SPRING1: variants seen among roughly 807,000 people sequenced by gnomAD.
The protein encoded by SPRING1 is SREBF pathway regulator in golgi 1.
SPRING1 carries 14 observed loss-of-function variants against 24.7 expected under a neutral mutation model. That is an observed-to-expected ratio of 0.57 (90% CI 0.37 to 0.88). SPRING1 has a LOEUF of 0.88. Among genes scored for constraint, SPRING1 ranks in the 40% least tolerant of loss-of-function variants. SPRING1 has a pLI of 0.00. For synonymous variants in SPRING1, 93 were observed against 106.1 expected (o/e 0.88, Z 0.76); for missense variants, 255 against 268.4 (o/e 0.95, Z 0.35).
chr12:116,712,069 G>A lies in SPRING1; in HGVS notation c.*5741C>T, dbSNP rs1451282173. The A allele has an allele frequency of 6.6e-6, 1 of 152,158 alleles. No homozygotes were observed. The highest frequency in any genetic ancestry group is 1.5e-5 in the Non-Finnish European group (1 of 68,042). The allele number at this position is 152,158 out of a possible 1,614,324, so 9.4% of individuals were successfully genotyped here. A position where few individuals can be genotyped will look rare whatever the true frequency, so the allele number is the denominator to read the frequency against. On this transcript the variant is annotated 3_prime_UTR_variant, in exon 5 of 5. Transcript: ENST00000261318. ...CAGTGCTGATGAAAACACATTTCTG[G>A]TAGTGATATGTCTTGGTCCCTCTGG...
At chr12:116,735,359 C>T (rs1029514464) in intron 1 of SPRING1, among the ~76,000 whole-genome samples, 1 of 152,106 alleles carries the variant, frequency 6.6e-6, no homozygotes, top group Non-Finnish European at 1.5e-5. Flanking sequence ...TTTCTACAAG[C>T]GTTATGGGGA....
In SPRING1 at chr12:116,713,475, G is replaced by C. The variant is rs1241279226; in HGVS notation, c.*4335C>G. The C allele has an allele frequency of 6.6e-6, 1 of 152,162 alleles. No individual in the cohort carries two copies. The highest frequency in any genetic ancestry group is 1.5e-5 in the Non-Finnish European group (1 of 68,008). The allele number at this position is 152,162 out of a possible 1,614,324, so 9.4% of individuals were successfully genotyped here. On this transcript the variant is annotated 3_prime_UTR_variant, in exon 5 of 5. Coordinates refer to ENST00000261318, the MANE Select transcript of SPRING1 (RefSeq NM_024738.4). ...CTGGAAATTAAATACATTCAAACAA[G>C]AACAGAGATCCATTAGCAAAATGTT...
In SPRING1 at chr12:116,720,288, C is replaced by T. The variant is rs777290744; in HGVS notation, c.420+8G>A. 5.0e-6 allele frequency: 8 copies of T among 1,605,866 alleles called. No homozygotes were observed. The highest frequency in any genetic ancestry group is 6.8e-6 in the Non-Finnish European group (8 of 1,177,342). On this transcript the variant is annotated splice_region_variant and intron_variant, in intron 3 of 4. Coordinates refer to ENST00000261318, the MANE Select transcript of SPRING1 (RefSeq NM_024738.4). The surrounding 1 kb of genome is among the most constrained non-coding windows in gnomAD (Gnocchi z 4.0). Reference sequence around the variant, plus strand: ...AGGAGCCGCAGAACCAGGATCAACTCCCCATACCTTGTTGGGCTGCAGGCA... The same window carrying T: ...AGGAGCCGCAGAACCAGGATCAACTTCCCATACCTTGTTGGGCTGCAGGCA...
At chr12:116,726,330 T>C (rs910873629) in intron 1 of SPRING1, among the ~76,000 whole-genome samples, 1 of 152,242 alleles carries the variant, frequency 6.6e-6, no homozygotes, top group Non-Finnish European at 1.5e-5. Flanking sequence ...TGTCCCACAT[T>C]ACATCTACCA....
intron 1 of SPRING1, among the ~76,000 whole-genome samples, chr12:116,725,252 C>T (rs1870624986): frequency 6.6e-6 from 1 of 152,160 alleles, no homozygotes; most frequent in South Asian, 2.1e-4. Context: ...TGCAACCTCA[C>T]GCCATCCCAT....
rs191794865 is a variant in SPRING1, at chr12:116,732,569, T to C, written c.111+5221A>G. On this transcript the variant is annotated intron_variant, in intron 1 of 4. Transcript: ENST00000261318. The stretch of plus-strand genomic sequence containing the variant: ...CTAAAAATACAAAATTAGCGAGGCA[T>C]GGTGGTGCACGCCTGTAATCCCAGC... 5.8e-3 allele frequency among the ~76,000 whole-genome samples: 881 copies of C among 152,268 alleles called. 6 individuals are homozygous for C. The highest frequency in any genetic ancestry group is 0.022 in the South Asian group (107 of 4,824).
chr12:116,714,371 CT>C lies in SPRING1; in HGVS notation c.*3438del, dbSNP rs1009554113. On this transcript the variant is annotated 3_prime_UTR_variant, in exon 5 of 5. Transcript: ENST00000261318. ...TTGTGCAACTGTTCCCCACGATTCC[CT>C]TGGGGCCAGTGCCGACTGAGGCATC... is the stretch of plus-strand genomic sequence containing the variant. 1.6e-4 allele frequency: 24 copies of C among 152,264 alleles called. No homozygotes were observed. Among genetic ancestry groups the C allele is most frequent in the African/African-American group, 4.8e-4 (20 of 41,472 alleles). The allele number at this position is 152,264 out of a possible 1,614,324, so 9.4% of individuals were successfully genotyped here.
In SPRING1 at chr12:116,720,160, A is replaced by C. The variant is rs543215243; in HGVS notation, c.420+136T>G. On this transcript the variant is annotated intron_variant, in intron 3 of 4. Transcript: ENST00000261318. The surrounding 1 kb of genome is among the most constrained non-coding windows in gnomAD (Gnocchi z 4.0). ...TTTCCTTAGATAAAAGCTATTGTGC[A>C]GCAATTTCTGACACCTACAAAGCTC... The C allele has an allele frequency of 9.4e-6, 11 of 1,167,682 alleles. No homozygotes were observed. In the African/African-American group the frequency reaches 1.7e-4, roughly 18 times the overall value. 72.3% of individuals were successfully genotyped at this position (1,167,682 alleles called of 1,614,324 possible). A position where few individuals can be genotyped will look rare whatever the true frequency, so the allele number is the denominator to read the frequency against.
intron 1 of SPRING1, among the ~76,000 whole-genome samples, chr12:116,731,473 A>G (rs1434482727): frequency 6.6e-6 from 1 of 152,212 alleles, no homozygotes; most frequent in Non-Finnish European, 1.5e-5. Context: ...GGCTGGGTGC[A>G]GTAGCTCATG....
chr12:116,710,268 G>A lies in SPRING1; in HGVS notation c.*7542C>T, dbSNP rs779114171. 8.5e-5 allele frequency: 13 copies of A among 152,272 alleles called. No individual in the cohort carries two copies. Among genetic ancestry groups the A allele is most frequent in the East Asian group, 5.8e-4 (3 of 5,182 alleles). The allele number at this position is 152,272 out of a possible 1,614,324, so 9.4% of individuals were successfully genotyped here. ...CAAAATACAGGCAAAACGCTCCAGC[G>A]GAACTTTAATTAGTGGTTATCTCTA... is the stretch of plus-strand genomic sequence containing the variant. On this transcript the variant is annotated 3_prime_UTR_variant, in exon 5 of 5. Coordinates refer to ENST00000261318, the MANE Select transcript of SPRING1 (RefSeq NM_024738.4).
rs548221010 is a variant in SPRING1, at chr12:116,737,832, G to T, written c.69C>A (p.Phe23Leu). The change falls in exon 1 of 5, where the codon TTC becomes TTA. Residue 23 changes from phenylalanine (F) to leucine (L), a missense_variant. By Grantham distance (22) the Phe-to-Leu change is conservative (BLOSUM62 0). Transcript: ENST00000261318. ...TGAGGAAGTAGACGAGCGACAGCCCGAAGACCAGGGCGAGCACCCACCTCT... is the reference window on the plus strand; with the variant it reads ...TGAGGAAGTAGACGAGCGACAGCCCTAAGACCAGGGCGAGCACCCACCTCT... ...LRKRWVLALV[F>L]GLSLVYFLSS... The T allele has an allele frequency of 6.3e-7, 1 of 1,595,792 alleles. No individual in the cohort carries two copies. The highest frequency in any genetic ancestry group is 2.4e-5 in the East Asian group (1 of 41,462).
Position 116,717,965 on chromosome 12 carries a change from G to A in SPRING1, c.535-72C>T. 2 of 1,292,982 alleles carry A rather than the reference G, an allele frequency of 1.5e-6. No individual in the cohort carries two copies. The highest frequency in any genetic ancestry group is 2.1e-6 in the Non-Finnish European group (2 of 945,512). The allele number at this position is 1,292,982 out of a possible 1,614,324, so 80.1% of individuals were successfully genotyped here. A position where few individuals can be genotyped will look rare whatever the true frequency, so the allele number is the denominator to read the frequency against. On this transcript the variant is annotated intron_variant, in intron 4 of 4. Transcript: ENST00000261318. This position sits in a 1 kb window ranked among gnomAD's most constrained non-coding sequence, Gnocchi z 4.2. The stretch of plus-strand genomic sequence containing the variant: ...TCACACACCTCCCTCTCGGAAGAGT[G>A]AGAGTGGATCGGGACTGTCAGACTC...
At chr12:116,731,751 AAAAC>A (rs1269001385) in intron 1 of SPRING1, among the ~76,000 whole-genome samples, 1 of 152,102 alleles carries the variant, frequency 6.6e-6, no homozygotes, top group Admixed American at 6.6e-5. Flanking sequence ...CCCTGTACCA[AAAAC>A]AAACAAATAA....
intron 2 of SPRING1, 99 bp downstream of exon 2, chr12:116,722,968 A>T: frequency 2.1e-6 from 3 of 1,447,122 alleles, no homozygotes. Context: ...AGGAGAGAAA[A>T]TGTGTTGCAG....
rs1229815347 is a variant in SPRING1 at position 116,714,887 on chromosome 12, AGAG to A, written c.*2920_*2922del. 6.7e-6 allele frequency: 1 copy of A among 150,374 alleles called. No homozygotes were observed. Among genetic ancestry groups the A allele is most frequent in the Non-Finnish European group, 1.5e-5 (1 of 67,904 alleles). The allele number at this position is 150,374 out of a possible 1,614,324, so 9.3% of individuals were successfully genotyped here. A position where few individuals can be genotyped will look rare whatever the true frequency, so the allele number is the denominator to read the frequency against. ...TCCCTCTTTTGTCCTTGCTTGTCTC[AGAG>A]CCCTTTTCACAGTCTCTTGTGTGCT... On this transcript the variant is annotated 3_prime_UTR_variant, in exon 5 of 5. Coordinates refer to ENST00000261318, the MANE Select transcript of SPRING1 (RefSeq NM_024738.4).
In SPRING1 at chr12:116,737,971, C is replaced by A; in HGVS notation, c.-71G>T. ...AGGCCCGGGTCCCGGGCGGCATGGCCCCTACGCGCCCGGCAGCCCCATCCC... is the reference window on the plus strand; with the variant it reads ...AGGCCCGGGTCCCGGGCGGCATGGCACCTACGCGCCCGGCAGCCCCATCCC... On this transcript the variant is annotated 5_prime_UTR_variant, in exon 1 of 5. Transcript: ENST00000261318. 1 of 1,233,794 alleles carries A rather than the reference C, an allele frequency of 8.1e-7. No individual in the cohort carries two copies. Among genetic ancestry groups the A allele is most frequent in the South Asian group, 3.1e-5 (1 of 31,818 alleles). The allele number at this position is 1,233,794 out of a possible 1,614,324, so 76.4% of individuals were successfully genotyped here. A position where few individuals can be genotyped will look rare whatever the true frequency, so the allele number is the denominator to read the frequency against.
At position 116,728,903 on chromosome 12, in the gene SPRING1, G is replaced by A. The variant is rs964815771; in HGVS notation, c.112-5680C>T. The stretch of plus-strand genomic sequence containing the variant: ...GCGGGGCTCAAAAGCCTTTGGTCCT[G>A]GAACCCTTTCTAATCTTAAAAATTA... On this transcript the variant is annotated intron_variant, in intron 1 of 4. Coordinates refer to ENST00000261318, the MANE Select transcript of SPRING1 (RefSeq NM_024738.4). The surrounding 1 kb of genome is among the most constrained non-coding windows in gnomAD (Gnocchi z 4.2). Among the ~76,000 whole-genome samples, 2 of 152,150 alleles carry A rather than the reference G, an allele frequency of 1.3e-5. No homozygotes were observed. The highest frequency in any genetic ancestry group is 4.8e-5 in the African/African-American group (2 of 41,430).
Position 116,723,167 on chromosome 12 carries a change from G to T in SPRING1, c.168C>A (p.Pro56=). The change falls in exon 2 of 5, where the codon CCC becomes CCA. Residue 56 remains proline, a synonymous_variant. Coordinates refer to ENST00000261318, the MANE Select transcript of SPRING1 (RefSeq NM_024738.4). ...AGTTAAACTGCACTTTCCACGGGAT[G>T]GGCTGATTATGGTCATGAACCTGGA... ...NLLQVHDHNQ[P]IPWKVQFNLG... is the part of the protein sequence containing the mutation. The T allele has an allele frequency of 6.2e-7, 1 of 1,613,990 alleles. No individual in the cohort carries two copies. The highest frequency in any genetic ancestry group is 1.1e-5 in the South Asian group (1 of 91,068).
rs147747621 is a variant in SPRING1 at position 116,730,467 on chromosome 12, G to C, written c.112-7244C>G. Among the ~76,000 whole-genome samples the C allele has an allele frequency of 2.7e-3, 410 of 152,294 alleles. 2 individuals are homozygous for C. The highest frequency in any genetic ancestry group is 9.4e-3 in the African/African-American group (390 of 41,572). The stretch of plus-strand genomic sequence containing the variant: ...GATCCACCCATCTCAGCCTCCCAAA[G>C]TGCTGGGATTACAGGCTGAGCCATC... On this transcript the variant is annotated intron_variant, in intron 1 of 4. Coordinates refer to ENST00000261318, the MANE Select transcript of SPRING1 (RefSeq NM_024738.4).
Sources: allele counts gnomAD v4.1 joint callset (sites outside exome capture counted in the v4.1 genomes callset), GRCh38; gene constraint gnomAD v4.1.1; non-coding constraint Gnocchi (gnomAD v3.1); transcripts MANE v1.5; gene names NCBI Gene and HGNC (gene_info 2026-07-23, HGNC 2026-07-21).